The following DENND1B variants were observed in gnomAD, a reference collection of about 807,000 sequenced individuals.
DENND1B encodes DENN domain containing 1B, also known as DENN domain-containing protein 1B.
Under a neutral mutation model 90.1 loss-of-function variants are expected in DENND1B, and 59 were observed. That is an observed-to-expected ratio of 0.65 (90% CI 0.53 to 0.81). DENND1B has a LOEUF of 0.81. Among genes scored for constraint, DENND1B ranks in the 40% least tolerant of loss-of-function variants. The pLI is 0.00. For synonymous variants in DENND1B, 337 were observed against 324.6 expected (o/e 1.04, Z -0.41); for missense variants, 862 against 912.6 (o/e 0.94, Z 0.71).
At chr1:197,647,947 CAAAA>C (rs5779884) in intron 7 of DENND1B, among the ~76,000 whole-genome samples, 1 of 78,652 alleles carries the variant, frequency 1.3e-5, no homozygotes, top group Admixed American at 1.3e-4. Flanking sequence ...AACTCCACTT[CAAAA>C]AAAAAAAAAA....
intron 2 of DENND1B, among the ~76,000 whole-genome samples, chr1:197,738,156 T>C (rs996514412): frequency 1.3e-5 from 2 of 152,236 alleles, no homozygotes; most frequent in African/African-American, 4.8e-5. Flanking sequence ...CATGCATGAG[T>C]ACCCTCTGTT....
At position 197,508,052 on chromosome 1, in the gene DENND1B, C is replaced by A. The variant is rs978773087; in HGVS notation, c.*2408G>T. The A allele has an allele frequency of 6.6e-6, 1 of 151,408 alleles. No individual in the cohort carries two copies. Among genetic ancestry groups the A allele is most frequent in the African/African-American group, 2.4e-5 (1 of 41,280 alleles). 9.4% of individuals were successfully genotyped at this position (151,408 alleles called of 1,614,324 possible). A position where few individuals can be genotyped will look rare whatever the true frequency, so the allele number is the denominator to read the frequency against. ...AGCAACACAGTATTATAACCAAACA[C>A]CTTGAAAGGTGGCTGAAAAGTAGAA... On this transcript the variant is annotated 3_prime_UTR_variant, in exon 23 of 23. Coordinates refer to ENST00000620048, the MANE Select transcript of DENND1B (RefSeq NM_001195215.2).
chr1:197,671,634 G>C (rs1354882066), intron 5 of DENND1B, among the ~76,000 whole-genome samples: 2 of 151,972 alleles, frequency 1.3e-5, no homozygotes, highest in Non-Finnish European at 2.9e-5. Flanking sequence ...CTTCTACCAG[G>C]TTCATCAGTT....
intron 3 of DENND1B, among the ~76,000 whole-genome samples, chr1:197,707,509 G>A (rs1318072296): frequency 1.3e-5 from 2 of 150,378 alleles, no homozygotes; most frequent in Non-Finnish European, 3.0e-5. Flanking sequence ...TTGTATACAT[G>A]TATCAAAATA....
At chr1:197,583,283 C>A in intron 14 of DENND1B, 30 bp from the exon 15 acceptor site, 1 of 1,602,460 alleles carries the variant, frequency 6.2e-7, no homozygotes, top group Non-Finnish European at 8.5e-7. Context: ...TTAAGGGCAT[C>A]AATAAAAGGT....
intron 6 of DENND1B, among the ~76,000 whole-genome samples, chr1:197,657,593 T>C (rs1295718951): frequency 6.6e-6 from 1 of 152,114 alleles, no homozygotes; most frequent in Non-Finnish European, 1.5e-5. Context: ...AGAGCGAGTA[T>C]TGGCAAGATT....
Position 197,627,464 on chromosome 1 carries a change from G to C in DENND1B, c.673-9705C>G, listed in dbSNP as rs564310150. ...CTCAACAGATGCAGAAAAGGCCTTT[G>C]ACAAAATTCAAGAACACTTCATGCT... On this transcript the variant is annotated intron_variant, in intron 10 of 22. Coordinates refer to ENST00000620048, the MANE Select transcript of DENND1B (RefSeq NM_001195215.2). Among the ~76,000 whole-genome samples, 6 of 151,998 alleles carry C rather than the reference G, an allele frequency of 3.9e-5. No individual in the cohort carries two copies. The South Asian group carries it at 1.2e-3, about 32-fold the overall frequency.
chr1:197,523,544 A>C (rs1221553080), intron 20 of DENND1B, among the ~76,000 whole-genome samples: 1 of 152,174 alleles, frequency 6.6e-6, no homozygotes, highest in East Asian at 1.9e-4. Context: ...AAAAACATTG[A>C]AAGAAAAGCC....
chr1:197,701,625 T>C (rs1486043521), intron 3 of DENND1B, among the ~76,000 whole-genome samples: 1 of 151,358 alleles, frequency 6.6e-6, no homozygotes, highest in African/African-American at 2.4e-5. Context: ...ACAGCTCACA[T>C]CTGATTCCCA....
intron 3 of DENND1B, among the ~76,000 whole-genome samples, chr1:197,695,597 G>A (rs974177550): frequency 7.3e-5 from 11 of 150,694 alleles, no homozygotes; most frequent in African/African-American, 2.4e-4. Context: ...AACATTTATA[G>A]GGAATTTACT....
At chr1:197,699,230 T>A (rs1213577352) in intron 3 of DENND1B, among the ~76,000 whole-genome samples, 1 of 152,170 alleles carries the variant, frequency 6.6e-6, no homozygotes, top group African/African-American at 2.4e-5. Context: ...GTGAGCTTCA[T>A]CCCTGGGATG....
intron 17 of DENND1B, 30 bp from the exon 18 acceptor site, chr1:197,546,020 A>G: frequency 6.4e-7 from 1 of 1,564,904 alleles, no homozygotes. Context: ...ACATATTTCC[A>G]AAAACTTTTA....
intron 14 of DENND1B, among the ~76,000 whole-genome samples, chr1:197,584,994 C>T (rs1674574346): frequency 1.3e-5 from 2 of 152,264 alleles, no homozygotes; most frequent in South Asian, 4.1e-4. Flanking sequence ...TGGTAAAGAG[C>T]TACAGATGAC....
intron 15 of DENND1B, among the ~76,000 whole-genome samples, chr1:197,559,329 G>A (rs1671968978): frequency 6.6e-6 from 1 of 151,916 alleles, no homozygotes; most frequent in African/African-American, 2.4e-5. Context: ...CTGGTAGAGA[G>A]ATGAGGCAGT....
At chr1:197,618,984 T>C (rs1677907049) in intron 10 of DENND1B, among the ~76,000 whole-genome samples, 1 of 151,240 alleles carries the variant, frequency 6.6e-6, no homozygotes. Context: ...ATAACTCGAT[T>C]TGAACCAAAA....
intron 10 of DENND1B, among the ~76,000 whole-genome samples, chr1:197,635,923 T>C (rs1679745166): frequency 6.6e-6 from 1 of 150,550 alleles, no homozygotes; most frequent in South Asian, 2.1e-4. Flanking sequence ...TGGATACATA[T>C]CAACACTGTC....
At chr1:197,746,752 T>G in intron 2 of DENND1B, 1 of 1,253,998 alleles carries the variant, frequency 8.0e-7, no homozygotes, top group Non-Finnish European at 1.2e-6. Context: ...TGGCAAGTTA[T>G]GCATATCCCA....
At chr1:197,721,065 ATTTTTTTTTT>A (rs11371047) in intron 2 of DENND1B, among the ~76,000 whole-genome samples, 1 of 98,970 alleles carries the variant, frequency 1.0e-5, no homozygotes, top group African/African-American at 4.1e-5. Flanking sequence ...GAGAAACGGC[ATTTTTTTTTT>A]TTTTTTTTTT....
chr1:197,537,793 T>C (rs1295242634), intron 20 of DENND1B, among the ~76,000 whole-genome samples: 3 of 152,038 alleles, frequency 2.0e-5, no homozygotes, highest in Non-Finnish European at 4.4e-5. Context: ...AAGAAGACTT[T>C]AAAATTTTTT....
Sources: allele counts gnomAD v4.1 joint callset (sites outside exome capture counted in the v4.1 genomes callset), GRCh38; gene constraint gnomAD v4.1.1; transcripts MANE v1.5; gene names NCBI Gene and HGNC (gene_info 2026-07-23, HGNC 2026-07-21).